Variants in UBASH3B observed in about 807,000 individuals in gnomAD.
UBASH3B encodes ubiquitin associated and SH3 domain containing B.
UBASH3B carries 37 observed loss-of-function variants against 83.4 expected under a neutral mutation model. That is an observed-to-expected ratio of 0.44 (90% CI 0.34 to 0.58). The LOEUF (loss-of-function observed/expected upper bound fraction) is 0.58. UBASH3B is among the 20% of genes least tolerant of loss of function. The pLI is 0.01. For missense variants in UBASH3B, 657 were observed against 827.2 expected (o/e 0.79, Z 2.52); for synonymous variants, 304 against 318.3 (o/e 0.96, Z 0.48).
Position 122,810,858 on chromosome 11 carries a change from G to A in UBASH3B, c.*972G>A, listed in dbSNP as rs999031355. The A allele has an allele frequency of 5.3e-5, 8 of 152,166 alleles. No homozygotes were observed. Among genetic ancestry groups the A allele is most frequent in the African/African-American group, 1.9e-4 (8 of 41,436 alleles). 9.4% of individuals were successfully genotyped at this position (152,166 alleles called of 1,614,324 possible). On this transcript the variant is annotated 3_prime_UTR_variant, in exon 14 of 14. Coordinates refer to ENST00000284273, the MANE Select transcript of UBASH3B (RefSeq NM_032873.5). ...AGTTCATTCTGTGCAATATGGACAT[G>A]TTTGCAAACCATACCAAGGGTCAGG...
intron 1 of UBASH3B, among the ~76,000 whole-genome samples, chr11:122,665,382 G>A (rs899627112): frequency 6.6e-6 from 1 of 151,878 alleles, no homozygotes; most frequent in Non-Finnish European, 1.5e-5. Flanking sequence ...TGTAGAGATG[G>A]GGGTCTCACT....
intron 1 of UBASH3B, among the ~76,000 whole-genome samples, chr11:122,743,962 G>A (rs1861069020): frequency 6.6e-6 from 1 of 152,232 alleles, no homozygotes; most frequent in Admixed American, 6.5e-5. Flanking sequence ...GCATCAGACA[G>A]GCGTTCAGTA....
intron 1 of UBASH3B, among the ~76,000 whole-genome samples, chr11:122,715,375 G>A (rs555287750): frequency 1.3e-5 from 2 of 152,260 alleles, no homozygotes; most frequent in East Asian, 1.9e-4. Flanking sequence ...GCCATCAAAA[G>A]TTGCCTCCTT....
intron 1 of UBASH3B, among the ~76,000 whole-genome samples, chr11:122,764,307 TGAGGACCTCAAAACACTTTATC>T (rs1020377315): frequency 2.6e-5 from 4 of 152,224 alleles, no homozygotes; most frequent in African/African-American, 9.6e-5. Flanking sequence ...CGGTTGTTTC[TGAGGACCTCAAAACACTTTATC>T]GATGTCACAT....
intron 8 of UBASH3B, among the ~76,000 whole-genome samples, chr11:122,796,593 G>A (rs1397074859): frequency 6.6e-6 from 1 of 152,038 alleles, no homozygotes; most frequent in Non-Finnish European, 1.5e-5. Context: ...TGGCTCGCTC[G>A]GTTCCATTTT....
At chr11:122,733,344 A>G (rs528493585) in intron 1 of UBASH3B, among the ~76,000 whole-genome samples, 77 of 152,356 alleles carry the variant, frequency 5.1e-4, no homozygotes, top group African/African-American at 1.7e-3. Flanking sequence ...AAAATTCTTC[A>G]GGGAAAGATG....
intron 1 of UBASH3B, among the ~76,000 whole-genome samples, chr11:122,710,677 TA>T (rs553781484): frequency 1.5e-4 from 23 of 150,638 alleles, no homozygotes; most frequent in African/African-American, 5.1e-4. Flanking sequence ...AGAAGTGGTA[TA>T]GGGGGTGGAA....
intron 5 of UBASH3B, 132 bp downstream of exon 5, chr11:122,783,354 T>C (rs756813958): frequency 2.4e-4 from 260 of 1,061,920 alleles, no homozygotes; most frequent in Middle Eastern, 1.9e-3. Context: ...GTCCGTTGGC[T>C]CAGGATTGTG....
intron 5 of UBASH3B, among the ~76,000 whole-genome samples, chr11:122,784,383 G>T (rs1860911776): frequency 6.6e-6 from 1 of 152,172 alleles, no homozygotes; most frequent in Non-Finnish European, 1.5e-5. Flanking sequence ...ATCATAGCCA[G>T]GCATGGTGGC....
At chr11:122,783,588 G>A (rs1332933036) in intron 5 of UBASH3B, among the ~76,000 whole-genome samples, 1 of 152,020 alleles carries the variant, frequency 6.6e-6, no homozygotes, top group East Asian at 1.9e-4. Context: ...TTGACCTTAG[G>A]TGAGTTGAAG....
At chr11:122,763,360 T>G (rs1343230812) in intron 1 of UBASH3B, among the ~76,000 whole-genome samples, 1 of 152,076 alleles carries the variant, frequency 6.6e-6, no homozygotes, top group Non-Finnish European at 1.5e-5. Context: ...CCCTGCCACA[T>G]AAAAACATCG....
chr11:122,705,086 G>A (rs1333812717), intron 1 of UBASH3B, among the ~76,000 whole-genome samples: 2 of 152,154 alleles, frequency 1.3e-5, no homozygotes, highest in Non-Finnish European at 2.9e-5. Flanking sequence ...CTATCCCCGT[G>A]GACACAGTTT....
At chr11:122,779,231 AT>A (rs1353807496) in intron 3 of UBASH3B, 1 of 537,306 alleles carries the variant, frequency 1.9e-6, no homozygotes, top group Non-Finnish European at 3.4e-6. Flanking sequence ...GTCCTGCAGC[AT>A]TTTGGCTGGG....
At chr11:122,727,133 G>A (rs1324377315) in intron 1 of UBASH3B, among the ~76,000 whole-genome samples, 2 of 152,222 alleles carry the variant, frequency 1.3e-5, no homozygotes, top group Non-Finnish European at 2.9e-5. Context: ...GCCAGGCCAT[G>A]TGTGTCTGAT....
chr11:122,685,429 C>T (rs1022655389), intron 1 of UBASH3B, among the ~76,000 whole-genome samples: 1 of 152,174 alleles, frequency 6.6e-6, no homozygotes, highest in Non-Finnish European at 1.5e-5. Context: ...AAGTGTCTGC[C>T]TGTGAGTACT....
At position 122,811,330 on chromosome 11, in the gene UBASH3B, G is replaced by T. The variant is rs1159383541; in HGVS notation, c.*1444G>T. The T allele has an allele frequency of 6.6e-6, 1 of 152,526 alleles. No individual in the cohort carries two copies. The highest frequency in any genetic ancestry group is 1.5e-5 in the Non-Finnish European group (1 of 68,036). 9.4% of individuals were successfully genotyped at this position (152,526 alleles called of 1,614,324 possible). ...AGTGTAAAATGGATCTTTACATGTT[G>T]CAGTAACATTGACTATGTTTCAAAA... On this transcript the variant is annotated 3_prime_UTR_variant, in exon 14 of 14. Transcript: ENST00000284273.
At chr11:122,747,109 G>A (rs982175946) in intron 1 of UBASH3B, among the ~76,000 whole-genome samples, 2 of 152,208 alleles carry the variant, frequency 1.3e-5, no homozygotes, top group Admixed American at 6.5e-5. Flanking sequence ...TGGGCTGACA[G>A]GGGCCAGCAC....
intron 1 of UBASH3B, among the ~76,000 whole-genome samples, chr11:122,733,716 T>C (rs1591791632): frequency 2.0e-5 from 3 of 152,200 alleles, no homozygotes; most frequent in Admixed American, 2.0e-4. Flanking sequence ...ATGATAAGAG[T>C]ATATGATAAT....
chr11:122,740,016 C>G (rs776050397), intron 1 of UBASH3B, among the ~76,000 whole-genome samples: 2 of 152,136 alleles, frequency 1.3e-5, no homozygotes, highest in Non-Finnish European at 2.9e-5. Flanking sequence ...TTCTGTAAAG[C>G]CATATGTTCC....
Sources: allele counts gnomAD v4.1 joint callset (sites outside exome capture counted in the v4.1 genomes callset), GRCh38; gene constraint gnomAD v4.1.1; transcripts MANE v1.5; gene names NCBI Gene and HGNC (gene_info 2026-07-23, HGNC 2026-07-21).